WWOX: variants seen among roughly 807,000 people sequenced by gnomAD.
WWOX encodes WW domain-containing oxidoreductase.
Under a neutral mutation model 46.2 loss-of-function variants are expected in WWOX, and 69 were observed. The ratio of observed to expected loss-of-function variants is 1.49; its 90% CI spans 1.23 to 1.82. WWOX has a LOEUF of 1.82. WWOX is among the 40% of genes most tolerant of loss of function. WWOX has a pLI of 0.00. For missense variants in WWOX, 919 were observed against 542.6 expected (o/e 1.69, Z -6.89); for synonymous variants, 359 against 202.6 (o/e 1.77, Z -6.56).
intron 8 of WWOX, among the ~76,000 whole-genome samples, chr16:79,108,452 C>T (rs140175963): frequency 2.8e-4 from 43 of 152,284 alleles, no homozygotes; most frequent in Non-Finnish European, 5.6e-4. Flanking sequence ...GGTATGGGAG[C>T]GAAAGATTGC....
intron 8 of WWOX, among the ~76,000 whole-genome samples, chr16:78,858,576 C>G (rs1424348761): frequency 2.0e-5 from 3 of 152,076 alleles, no homozygotes; most frequent in Non-Finnish European, 4.4e-5. Flanking sequence ...TAGATAACTT[C>G]TATCACCAGC....
intron 8 of WWOX, among the ~76,000 whole-genome samples, chr16:78,578,276 A>ATATATATG (rs1567657361): frequency 3.0e-5 from 1 of 32,932 alleles, no homozygotes; most frequent in Non-Finnish European, 5.9e-5. Context: ...ATATATATAT[A>ATATATATG]TATATATATT....
At chr16:78,335,196 C>A (rs910026981) in intron 5 of WWOX, among the ~76,000 whole-genome samples, 1 of 152,188 alleles carries the variant, frequency 6.6e-6, no homozygotes, top group Admixed American at 6.5e-5. Context: ...AGGTAATCAT[C>A]TGCCACGGTG....
At chr16:78,846,533 C>G (rs186611248) in intron 8 of WWOX, among the ~76,000 whole-genome samples, 2 of 152,004 alleles carry the variant, frequency 1.3e-5, no homozygotes, top group African/African-American at 4.8e-5. Flanking sequence ...ATTAGAATGA[C>G]GTGGTGCATT....
At chr16:78,751,993 G>C (rs972818812) in intron 8 of WWOX, among the ~76,000 whole-genome samples, 2 of 124,710 alleles carry the variant, frequency 1.6e-5, no homozygotes, top group African/African-American at 6.3e-5. Flanking sequence ...AAGAGAATTG[G>C]CATTTTTCTT....
chr16:79,098,956 G>C (rs1489115768), intron 8 of WWOX, among the ~76,000 whole-genome samples: 1 of 152,198 alleles, frequency 6.6e-6, no homozygotes, highest in Non-Finnish European at 1.5e-5. Context: ...AAAGAAGTTT[G>C]TTTGATTCAC....
chr16:78,771,023 A>T (rs1597582516), intron 8 of WWOX, among the ~76,000 whole-genome samples: 1 of 152,248 alleles, frequency 6.6e-6, no homozygotes, highest in East Asian at 1.9e-4. Flanking sequence ...GAGGCAGAAC[A>T]TTCTAGGCAG....
intron 8 of WWOX, among the ~76,000 whole-genome samples, chr16:79,097,475 C>T (rs1007888092): frequency 1.3e-5 from 2 of 151,742 alleles, no homozygotes; most frequent in Non-Finnish European, 2.9e-5. Context: ...ATTACAAAAG[C>T]AAAATCCATA....
intron 6 of WWOX, among the ~76,000 whole-genome samples, chr16:78,423,918 G>T (rs914126402): frequency 6.6e-6 from 1 of 151,124 alleles, no homozygotes; most frequent in African/African-American, 2.4e-5. Flanking sequence ...CCTATCTTTA[G>T]GCTTCTTTAT....
chr16:78,399,283 A>T (rs1350171111), intron 6 of WWOX, among the ~76,000 whole-genome samples: 2 of 152,224 alleles, frequency 1.3e-5, no homozygotes, highest in African/African-American at 4.8e-5. Flanking sequence ...TCTTGAGTTG[A>T]TACCTCCTTG....
chr16:79,134,378 G>T (rs113784963), intron 8 of WWOX, among the ~76,000 whole-genome samples: 109 of 152,234 alleles, frequency 7.2e-4, no homozygotes, highest in Non-Finnish European at 1.5e-3. Flanking sequence ...GTTGCAACAG[G>T]CAGCCCAGCA....
intron 8 of WWOX, among the ~76,000 whole-genome samples, chr16:79,093,354 C>T (rs2049003185): frequency 6.6e-6 from 1 of 152,022 alleles, no homozygotes; most frequent in African/African-American, 2.4e-5. Context: ...TTTAAATTTT[C>T]TCATTTTAAA....
intron 8 of WWOX, among the ~76,000 whole-genome samples, chr16:78,822,668 A>G (rs2051536413): frequency 6.6e-6 from 1 of 152,174 alleles, no homozygotes; most frequent in South Asian, 2.1e-4. Flanking sequence ...TCTTTCCATG[A>G]TGAGAGTTAC....
intron 8 of WWOX, among the ~76,000 whole-genome samples, chr16:79,155,260 C>T (rs1401614257): frequency 2.0e-5 from 3 of 152,090 alleles, no homozygotes; most frequent in Non-Finnish European, 4.4e-5. Context: ...CCTGTAGTTC[C>T]AGCTACTCGG....
At chr16:78,895,895 C>T (rs2044690676) in intron 8 of WWOX, 1 of 152,256 alleles carries the variant, frequency 6.6e-6, no homozygotes, top group South Asian at 2.1e-4. Context: ...GTCATTCTTT[C>T]GTATTACTCC....
chr16:78,674,873 G>T (rs957501638), intron 8 of WWOX, among the ~76,000 whole-genome samples: 1 of 150,550 alleles, frequency 6.6e-6, no homozygotes, highest in Non-Finnish European at 1.5e-5. Context: ...GATAAAGTCA[G>T]TATACAATGT....
chr16:78,659,120 A>G (rs1405929144), intron 8 of WWOX, among the ~76,000 whole-genome samples: 1 of 151,586 alleles, frequency 6.6e-6, no homozygotes. Context: ...AAACAAAAAA[A>G]AAACAAAACA....
intron 8 of WWOX, among the ~76,000 whole-genome samples, chr16:78,800,328 G>T (rs149600451): frequency 6.6e-6 from 1 of 152,174 alleles, no homozygotes; most frequent in East Asian, 1.9e-4. Flanking sequence ...TGTACCGTGT[G>T]CTTTTAACAC....
intron 8 of WWOX, among the ~76,000 whole-genome samples, chr16:78,927,079 A>C (rs2151276174): frequency 6.6e-6 from 1 of 152,310 alleles, no homozygotes; most frequent in Middle Eastern, 3.4e-3. Flanking sequence ...TATAGGCATG[A>C]GCCACCATGC....
Sources: gnomAD v4.1 joint callset for allele counts (sites outside exome capture counted in the v4.1 genomes callset) on GRCh38, gnomAD v4.1.1 for gene constraint, MANE v1.5 for transcripts, NCBI Gene and HGNC (gene_info 2026-07-23, HGNC 2026-07-21) for gene names.